Variants in CNTNAP5 observed in about 807,000 individuals in gnomAD.
CNTNAP5 encodes the protein contactin-associated protein-like 5.
In CNTNAP5, 72 loss-of-function variants were observed where a neutral mutation model predicts 150.2. The observed-to-expected ratio is 0.48, with a 90% CI of 0.40 to 0.58. The LOEUF (loss-of-function observed/expected upper bound fraction) is 0.58. Among genes scored for constraint, CNTNAP5 ranks in the 20% least tolerant of loss-of-function variants. The probability of loss-of-function intolerance (pLI) is 0.00; values close to 1 mark genes in which losing one functional copy is unlikely to be tolerated. For missense variants in CNTNAP5, 1,636 were observed against 1,626.2 expected (o/e 1.01, Z -0.10); for synonymous variants, 672 against 619.8 (o/e 1.08, Z -1.25).
chr2:124,221,234 C>G (rs573541430), intron 1 of CNTNAP5, among the ~76,000 whole-genome samples: 1 of 152,212 alleles, frequency 6.6e-6, no homozygotes, highest in East Asian at 1.9e-4. Flanking sequence ...TTAAGTTATC[C>G]TACTCCTCTA....
At chr2:124,607,953 G>C (rs1677293224) in intron 11 of CNTNAP5, among the ~76,000 whole-genome samples, 1 of 152,200 alleles carries the variant, frequency 6.6e-6, no homozygotes, top group Admixed American at 6.5e-5. Flanking sequence ...ACCTCCTGCT[G>C]CGGAAAGTTT....
intron 3 of CNTNAP5, among the ~76,000 whole-genome samples, chr2:124,344,825 ATCT>A (rs986777331): frequency 2.4e-4 from 37 of 152,044 alleles, no homozygotes; most frequent in African/African-American, 8.5e-4. Context: ...CACAAGAATA[ATCT>A]TCTTTGATTT....
At chr2:124,525,105 A>T (rs1296387217) in intron 9 of CNTNAP5, among the ~76,000 whole-genome samples, 1 of 152,244 alleles carries the variant, frequency 6.6e-6, no homozygotes, top group East Asian at 1.9e-4. Flanking sequence ...TGGTGAAGAA[A>T]AACATAATTA....
At chr2:124,622,587 A>C (rs1318885083) in intron 12 of CNTNAP5, among the ~76,000 whole-genome samples, 4 of 152,114 alleles carry the variant, frequency 2.6e-5, no homozygotes, top group Non-Finnish European at 4.4e-5. Context: ...ACTCCCACCG[A>C]CAGTGTAAAA....
chr2:124,434,677 C>G lies in CNTNAP5; in HGVS notation c.723C>G (p.His241Gln). 6.2e-7 allele frequency: 1 copy of G among 1,610,566 alleles called. No individual in the cohort carries two copies. Among genetic ancestry groups the G allele is most frequent in the East Asian group, 2.2e-5 (1 of 44,784 alleles). Reference sequence around the variant, plus strand: ...TCCAGAAGGGGAGGCTCGCCCTACACCTCAATTTGGGTAGGCTCAGACTTC... The same window carrying G: ...TCCAGAAGGGGAGGCTCGCCCTACAGCTCAATTTGGGTAGGCTCAGACTTC... The part of the protein sequence containing the change: ...LELQKGRLAL[H>Q]LNLGDSKARL... The change falls in exon 5 of 24, where the codon CAC becomes CAG. Residue 241 changes from histidine (H) to glutamine (Q), a missense_variant. His to Gln is a conservative substitution (Grantham distance 24). Coordinates refer to ENST00000682447, the MANE Select transcript of CNTNAP5 (RefSeq NM_001367498.1).
chr2:124,848,614 C>T (rs555804292), intron 19 of CNTNAP5, among the ~76,000 whole-genome samples: 1 of 152,236 alleles, frequency 6.6e-6, no homozygotes, highest in East Asian at 1.9e-4. Context: ...TATGTTCCCA[C>T]CAACAGTGTA....
chr2:124,158,586 C>T (rs984344220), intron 1 of CNTNAP5, among the ~76,000 whole-genome samples: 1 of 152,132 alleles, frequency 6.6e-6, no homozygotes, highest in Admixed American at 6.5e-5. Context: ...ATATAGAACC[C>T]ATGAATGTGG....
At chr2:124,548,625 G>GGAAAAAAAAACAAAACAGT (rs1443348166) in intron 10 of CNTNAP5, among the ~76,000 whole-genome samples, 3 of 150,750 alleles carry the variant, frequency 2.0e-5, no homozygotes, top group African/African-American at 7.3e-5. Flanking sequence ...TCCACGAACT[G>GGAAAAAAAAACAAAACAGT]GAAAAAAAAA....
rs1558803855 is a variant in CNTNAP5 at position 124,860,477 on chromosome 2, TTCCTTCC to T, written c.3218-4827_3218-4821del. The stretch of plus-strand genomic sequence containing the variant: ...TTTCCTTCCTTCCTTCCTTCCTTCC[TTCCTTCC>T]TTCCTTCCTTCCTTCCTTCTTTCCT... On this transcript the variant is annotated intron_variant, in intron 19 of 23. Coordinates refer to ENST00000682447, the MANE Select transcript of CNTNAP5 (RefSeq NM_001367498.1). Among the ~76,000 whole-genome samples the T allele has an allele frequency of 4.1e-4, 40 of 96,836 alleles. 3 individuals carry two copies. The highest frequency in any genetic ancestry group is 5.8e-4 in the Non-Finnish European group (29 of 49,928). The allele number at this position is 96,836 out of a possible 152,430, so 63.5% of individuals were successfully genotyped here.
intron 21 of CNTNAP5, among the ~76,000 whole-genome samples, chr2:124,887,180 C>T (rs1678098467): frequency 1.3e-5 from 2 of 151,958 alleles, no homozygotes; most frequent in South Asian, 2.1e-4. Context: ...AACTTTGAGT[C>T]CCAGATTCCT....
chr2:124,697,199 A>C (rs776607812), intron 13 of CNTNAP5, among the ~76,000 whole-genome samples: 6 of 152,128 alleles, frequency 3.9e-5, no homozygotes, highest in Non-Finnish European at 7.3e-5. Context: ...CATTATTCAC[A>C]TTGTACATTT....
rs556571236 is a variant in CNTNAP5, at chr2:124,057,448, A to ATTTTTTTTTTT, written c.82+31729_82+31739dup. 1.2e-3 allele frequency among the ~76,000 whole-genome samples: 76 copies of ATTTTTTTTTTT among 62,778 alleles called. 11 individuals are homozygous for ATTTTTTTTTTT. Among genetic ancestry groups the ATTTTTTTTTTT allele is most frequent in the African/African-American group, 4.6e-3 (59 of 12,740 alleles). The allele number at this position is 62,778 out of a possible 152,430, so 41.2% of individuals were successfully genotyped here. On this transcript the variant is annotated intron_variant, in intron 1 of 23. Coordinates refer to ENST00000682447, the MANE Select transcript of CNTNAP5 (RefSeq NM_001367498.1). ...AGGCACCCACCAGCACGGCCAGCTA[A>ATTTTTTTTTTT]TTTTTTTTTTTTTTTTTTTTTTTAG...
chr2:124,284,020 T>A (rs763733730), intron 3 of CNTNAP5, among the ~76,000 whole-genome samples: 5 of 152,126 alleles, frequency 3.3e-5, no homozygotes, highest in Non-Finnish European at 7.4e-5. Flanking sequence ...GCCCAGTACT[T>A]GTACTTTACC....
At chr2:124,315,657 C>T (rs1192327376) in intron 3 of CNTNAP5, among the ~76,000 whole-genome samples, 1 of 152,036 alleles carries the variant, frequency 6.6e-6, no homozygotes, top group Non-Finnish European at 1.5e-5. Context: ...TCAAGGTGGT[C>T]GCCCCTCCTA....
chr2:124,467,245 CTGGTTGAGGAAGA>C (rs2104826689), intron 6 of CNTNAP5, among the ~76,000 whole-genome samples: 1 of 152,234 alleles, frequency 6.6e-6, no homozygotes, highest in African/African-American at 2.4e-5. Context: ...GCCCTAGAGC[CTGGTTGAGGAAGA>C]TGGTTGTTGG....
chr2:124,207,097 C>T (rs569865481), intron 1 of CNTNAP5, among the ~76,000 whole-genome samples: 14 of 152,242 alleles, frequency 9.2e-5, no homozygotes, highest in Admixed American at 3.3e-4. Flanking sequence ...TTTAAAGAAA[C>T]GAGAATCCCT....
chr2:124,105,860 G>A (rs1683160750), intron 1 of CNTNAP5, among the ~76,000 whole-genome samples: 1 of 151,876 alleles, frequency 6.6e-6, no homozygotes. Flanking sequence ...TGCTTTCCTA[G>A]TGATTATTTT....
At chr2:124,795,073 T>A (rs1046192709) in intron 18 of CNTNAP5, among the ~76,000 whole-genome samples, 1 of 152,214 alleles carries the variant, frequency 6.6e-6, no homozygotes, top group African/African-American at 2.4e-5. Flanking sequence ...TTTGTTCTAA[T>A]TCCAAATCTA....
At chr2:124,600,973 A>G (rs758251063) in intron 11 of CNTNAP5, among the ~76,000 whole-genome samples, 10 of 152,176 alleles carry the variant, frequency 6.6e-5, no homozygotes, top group Non-Finnish European at 1.5e-4. Context: ...ATCATCAGTC[A>G]CCTTTGCAAG....
Sources: gnomAD v4.1 joint callset for allele counts (sites outside exome capture counted in the v4.1 genomes callset) on GRCh38, gnomAD v4.1.1 for gene constraint, MANE v1.5 for transcripts, NCBI Gene and HGNC (gene_info 2026-07-23, HGNC 2026-07-21) for gene names.